Variants in PCDHA8 observed in about 807,000 individuals in gnomAD.
PCDHA8 encodes protocadherin alpha-8.
Under a neutral mutation model 61.8 loss-of-function variants are expected in PCDHA8, and 53 were observed. The observed-to-expected ratio is 0.86, with a 90% CI of 0.69 to 1.08. The LOEUF is 1.08. Ranked by LOEUF, PCDHA8 falls within the 50% of genes least tolerant of loss-of-function variation. The pLI is 0.00. For synonymous variants in PCDHA8, 618 were observed against 556.6 expected (o/e 1.11, Z -1.55); for missense variants, 1,293 against 1,245.0 (o/e 1.04, Z -0.58).
Position 140,842,983 on chromosome 5 carries a change from C to T in PCDHA8, c.1662C>T (p.Phe554=), listed in dbSNP as rs1554139609. 1.3e-6 allele frequency: 2 copies of T among 1,594,998 alleles called. No homozygotes were observed. The highest frequency in any genetic ancestry group is 2.2e-5 in the East Asian group (1 of 44,820). The change falls in exon 1 of 4, where the codon TTC becomes TTT. Residue 554 remains phenylalanine (F), a synonymous_variant. Transcript: ENST00000531613. Reference sequence around the variant, plus strand: ...GCAGCAACGTGACGCTGCAGGTGTTCGTGCTGGACGAGAATGACAACGCGC... The same window carrying T: ...GCAGCAACGTGACGCTGCAGGTGTTTGTGCTGGACGAGAATGACAACGCGC... ...PLGSNVTLQV[F]VLDENDNAPA...
At chr5:140,971,434 A>T (rs1243393478) in intron 1 of PCDHA8, among the ~76,000 whole-genome samples, 1 of 152,188 alleles carries the variant, frequency 6.6e-6, no homozygotes, top group Non-Finnish European at 1.5e-5. Flanking sequence ...GAACCCCAAG[A>T]TCTACAGCTC....
chr5:140,851,332 C>T (rs2042029710), intron 1 of PCDHA8: 1 of 971,624 alleles, frequency 1.0e-6, no homozygotes, highest in Non-Finnish European at 1.3e-6. Context: ...GTTTGTAGTT[C>T]TCTACATTTC....
intron 1 of PCDHA8, among the ~76,000 whole-genome samples, chr5:140,875,039 A>AT: frequency 3.9e-5 from 6 of 152,348 alleles, no homozygotes; most frequent in Admixed American, 3.9e-4. Context: ...TATTTGAAAG[A>AT]TTTCTACTTT....
rs781906273 is a variant in PCDHA8, at chr5:140,869,410, A to G, written c.2394+25695A>G. The G allele has an allele frequency of 3.7e-6, 6 of 1,614,082 alleles. No individual in the cohort carries two copies. The East Asian group carries it at 1.1e-4, about 30-fold the overall frequency. ...GCTGTGCGGGCAGAGCGCGGAGTGCAGCATCCACCTGGAGGTGATCGTGGA... is the reference window on the plus strand; with the variant it reads ...GCTGTGCGGGCAGAGCGCGGAGTGCGGCATCCACCTGGAGGTGATCGTGGA... On this transcript the variant is annotated intron_variant, in intron 1 of 3. Transcript: ENST00000531613.
rs2150356051 is a variant in PCDHA8, at chr5:140,843,257, C to A, written c.1936C>A (p.Arg646Ser). Residue 646 changes from arginine to serine, a missense_variant, in exon 1 of 4, where the codon CGT (arginine) becomes AGT (serine). Coordinates refer to ENST00000531613, the MANE Select transcript of PCDHA8 (RefSeq NM_018911.3). ...VLDEADSPRH[R>S]LLVLVKDHGE... ...GGACGAAGCGGACTCTCCGCGCCAC[C>A]GTCTGCTGGTCCTGGTGAAGGATCA... 1.1e-5 allele frequency: 18 copies of A among 1,596,054 alleles called. 1 individual carries two copies. Among genetic ancestry groups the A allele is most frequent in the Non-Finnish European group, 1.5e-5 (18 of 1,165,602 alleles).
chr5:140,981,141 A>G (rs957272254), intron 2 of PCDHA8, among the ~76,000 whole-genome samples: 2 of 152,242 alleles, frequency 1.3e-5, no homozygotes, highest in African/African-American at 4.8e-5. Flanking sequence ...AAAGAGTGAG[A>G]AAACATTGAA....
rs183715022 is a variant in PCDHA8 at position 140,950,136 on chromosome 5, A to G, written c.2395-28813A>G. Among the ~76,000 whole-genome samples, 19 of 152,068 alleles carry G rather than the reference A, an allele frequency of 1.2e-4. No individual in the cohort carries two copies. The East Asian group carries it at 3.7e-3, about 29-fold the overall frequency. ...AATACAAAACCCACAAGACACAGTT[A>G]TAATTTTTGTTTAAGCAGTTATTAT... On this transcript the variant is annotated intron_variant, in intron 1 of 3. Transcript: ENST00000531613.
At chr5:140,963,608 G>A (rs1308315109) in intron 1 of PCDHA8, among the ~76,000 whole-genome samples, 2 of 152,186 alleles carry the variant, frequency 1.3e-5, no homozygotes, top group African/African-American at 2.4e-5. Context: ...ACGTAATTGG[G>A]AAAGCTTAAC....
Position 140,845,842 on chromosome 5 carries a change from G to T in PCDHA8, c.2394+2127G>T, listed in dbSNP as rs2150381678. Among the ~76,000 whole-genome samples the T allele has an allele frequency of 1.3e-5, 2 of 149,848 alleles. 1 individual carries two copies. The highest frequency in any genetic ancestry group is 6.9e-3 in the Middle Eastern group (2 of 290). On this transcript the variant is annotated intron_variant, in intron 1 of 3. Transcript: ENST00000531613. ...AATTTAGTTATTACCATTCTTAAGA[G>T]AAAAGAAGTTAGTGATTGCAGAAAG...
At chr5:141,003,689 A>G (rs2098134450) in intron 3 of PCDHA8, among the ~76,000 whole-genome samples, 3 of 152,228 alleles carry the variant, frequency 2.0e-5, no homozygotes, top group African/African-American at 7.2e-5. Flanking sequence ...ATTTTAAAAT[A>G]TATCCCTACC....
chr5:140,985,499 C>G (rs1307302690), intron 3 of PCDHA8, among the ~76,000 whole-genome samples: 1 of 152,170 alleles, frequency 6.6e-6, no homozygotes, highest in African/African-American at 2.4e-5. Flanking sequence ...TAGAGCCTGC[C>G]TTTCATTGAT....
chr5:140,841,422 C>T lies in PCDHA8; in HGVS notation c.101C>T (p.Ser34Phe). 1 of 1,612,994 alleles carries T rather than the reference C, an allele frequency of 6.2e-7. No individual in the cohort carries two copies. The highest frequency in any genetic ancestry group is 2.2e-5 in the East Asian group (1 of 44,868). Reference sequence around the variant, plus strand: ...GTGGGGAGCGGCCAGCTCCACTACTCCGTCCCCGAGGAGGCCAAACACGGC... The same window carrying T: ...GTGGGGAGCGGCCAGCTCCACTACTTCGTCCCCGAGGAGGCCAAACACGGC... The part of the protein sequence containing the change: ...WKVGSGQLHY[S>F]VPEEAKHGTF... The change falls in exon 1 of 4, where the codon TCC becomes TTC. Residue 34 changes from serine (S) to phenylalanine (F), a missense_variant. By Grantham distance (155) the Ser-to-Phe change is radical (BLOSUM62 -2). Coordinates refer to ENST00000531613, the MANE Select transcript of PCDHA8 (RefSeq NM_018911.3).
At chr5:140,898,026 T>G (rs11167645) in intron 1 of PCDHA8, among the ~76,000 whole-genome samples, 49,476 of 151,852 alleles carry the variant, frequency 0.33, 8,303 homozygotes, top group East Asian at 0.53. Flanking sequence ...GCCCACTTTT[T>G]GATGGGGTTG....
Position 140,916,977 on chromosome 5 carries a change from T to A in PCDHA8, c.2395-61972T>A, listed in dbSNP as rs569550595. Among the ~76,000 whole-genome samples the A allele has an allele frequency of 2.6e-5, 4 of 152,302 alleles. No individual in the cohort carries two copies. In the South Asian group the frequency reaches 8.3e-4, roughly 32 times the overall value. On this transcript the variant is annotated intron_variant, in intron 1 of 3. Transcript: ENST00000531613. ...AGTTCTGACTGCTGGGATGAGTGAT[T>A]CGCCTCTGGCCAGGCCTGTTCCAAA...
chr5:140,874,622 A>G (rs554375384), intron 1 of PCDHA8, among the ~76,000 whole-genome samples: 5 of 152,374 alleles, frequency 3.3e-5, no homozygotes, highest in Non-Finnish European at 7.3e-5. Flanking sequence ...TAAACATTTT[A>G]CATTAAAGTG....
At chr5:140,862,636 T>C in intron 1 of PCDHA8, 1 of 539,338 alleles carries the variant, frequency 1.9e-6, no homozygotes, top group East Asian at 5.1e-5. Flanking sequence ...CTGCCACGAC[T>C]TCACAGTGTC....
intron 1 of PCDHA8, chr5:140,871,461 A>C: frequency 1.2e-6 from 2 of 1,605,278 alleles, no homozygotes; most frequent in South Asian, 2.2e-5. Flanking sequence ...AGGAAGGGGA[A>C]AGACAGGAGC....
chr5:140,983,444 TC>T (rs1554245415), intron 3 of PCDHA8, among the ~76,000 whole-genome samples: 1 of 152,224 alleles, frequency 6.6e-6, no homozygotes. Context: ...TCTACTCTAA[TC>T]CTCTATTAAT....
At chr5:140,892,945 T>C (rs1554185456) in intron 1 of PCDHA8, among the ~76,000 whole-genome samples, 3 of 152,336 alleles carry the variant, frequency 2.0e-5, no homozygotes, top group South Asian at 2.1e-4. Flanking sequence ...AGCACAATAC[T>C]ACTTCCATGA....
Sources: allele counts gnomAD v4.1 joint callset (sites outside exome capture counted in the v4.1 genomes callset), GRCh38; gene constraint gnomAD v4.1.1; transcripts MANE v1.5; gene names NCBI Gene and HGNC (gene_info 2026-07-23, HGNC 2026-07-21).